SDK1: variants seen among roughly 807,000 people sequenced by gnomAD.
SDK1 encodes protein sidekick-1.
A neutral mutation model predicts 245.5 loss-of-function variants in SDK1; 157 were observed. The observed-to-expected ratio is 0.64, with a 90% confidence interval of 0.56 to 0.73. The LOEUF (loss-of-function observed/expected upper bound fraction) is 0.73, where lower values mean the gene tolerates loss of function less well. Among genes scored for constraint, SDK1 ranks in the 30% least tolerant of loss-of-function variants. The pLI is 0.00. For synonymous variants in SDK1, 1,647 were observed against 1,278.5 expected, an observed-to-expected ratio of 1.29 and a Z score of -6.15; for missense variants, 3,583 against 3,002.3, an observed-to-expected ratio of 1.19 and a Z score of -4.52.
chr7:3,981,077 G>A (rs534290620), intron 13 of SDK1, among the ~76,000 whole-genome samples: 4 of 152,278 alleles, frequency 2.6e-5, no homozygotes, highest in Non-Finnish European at 5.9e-5. Flanking sequence ...CCTGTGTTAA[G>A]TAAGTCTATT....
chr7:4,224,545 C>G (rs2128233170), intron 40 of SDK1, among the ~76,000 whole-genome samples: 1 of 152,326 alleles, frequency 6.6e-6, no homozygotes, highest in South Asian at 2.1e-4. Context: ...TCCCCCAACA[C>G]CGGGGACGAT....
In SDK1 at chr7:4,265,235, C is replaced by T; in HGVS notation, c.6493C>T (p.Pro2165Ser). The change falls in exon 45 of 45, where the codon CCT becomes TCT. Residue 2165 changes from proline (P) to serine (S), a missense_variant. Pro to Ser is a moderately conservative substitution (Grantham distance 74, BLOSUM62 -1). Coordinates refer to ENST00000404826, the MANE Select transcript of SDK1 (RefSeq NM_152744.4). ...SWKRRAQGRA[P>S]APHRYEAVAG... ...GAAGCGCAGGGCCCAGGGCCGCGCA[C>T]CTGCGCCGCACAGGTACGAGGCGGT... 2 of 1,608,104 alleles carry T rather than the reference C, an allele frequency of 1.2e-6. No individual in the cohort carries two copies. The highest frequency in any genetic ancestry group is 1.7e-6 in the Non-Finnish European group (2 of 1,179,320).
chr7:3,405,932 C>T (rs936517422), intron 1 of SDK1, among the ~76,000 whole-genome samples: 10 of 151,676 alleles, frequency 6.6e-5, no homozygotes, highest in African/African-American at 2.4e-4. Context: ...TCTGCATCAG[C>T]CTCCTGAGTA....
At chr7:3,585,743 G>C (rs1780665614) in intron 1 of SDK1, among the ~76,000 whole-genome samples, 1 of 152,166 alleles carries the variant, frequency 6.6e-6, no homozygotes, top group South Asian at 2.1e-4. Context: ...CATCAGGATT[G>C]AGCACAGCAT....
chr7:3,801,688 G>C (rs977359257), intron 4 of SDK1, among the ~76,000 whole-genome samples: 1 of 152,152 alleles, frequency 6.6e-6, no homozygotes, highest in African/African-American at 2.4e-5. Flanking sequence ...GCTGCTCCCA[G>C]CTTGCATCTC....
At chr7:3,393,760 C>G (rs889791054) in intron 1 of SDK1, among the ~76,000 whole-genome samples, 1 of 151,940 alleles carries the variant, frequency 6.6e-6, no homozygotes, top group South Asian at 2.1e-4. Flanking sequence ...TCTGTGTTTT[C>G]TTGAATTTGA....
chr7:4,185,617 G>C (rs1782842210), intron 35 of SDK1, among the ~76,000 whole-genome samples: 2 of 152,168 alleles, frequency 1.3e-5, no homozygotes, highest in African/African-American at 4.8e-5. Context: ...GGATGGGGCA[G>C]CTGTCTTCTC....
rs567389225 is a variant in SDK1 at position 4,138,683 on chromosome 7, G to A, written c.4228+6260G>A. On this transcript the variant is annotated intron_variant, in intron 28 of 44. Coordinates refer to ENST00000404826, the MANE Select transcript of SDK1 (RefSeq NM_152744.4). ...AAGCATTTGAACCTGGGAGGCAGAG[G>A]TTGCAGTATAGCCGAGATCATACCA... Among the ~76,000 whole-genome samples, 22 of 150,630 alleles carry A rather than the reference G, an allele frequency of 1.5e-4. No individual in the cohort carries two copies. In the East Asian group the frequency reaches 3.7e-3, roughly 26 times the overall value.
chr7:4,213,427 AAAC>A (rs1784608549), intron 38 of SDK1, among the ~76,000 whole-genome samples: 1 of 150,620 alleles, frequency 6.6e-6, no homozygotes, highest in Non-Finnish European at 1.5e-5. Flanking sequence ...AAAAAAAAGA[AAAC>A]AAAAATTAGC....
intron 17 of SDK1, among the ~76,000 whole-genome samples, chr7:4,043,296 AGGGGCCCAGGTAGAGTGAGTCACAGCCG>A (rs1788776134): frequency 7.8e-5 from 11 of 140,622 alleles, no homozygotes; most frequent in Admixed American, 1.4e-4. Flanking sequence ...TGTCACAGCC[AGGGGCCCAGGTAGAGTGAGTCACAGCCG>A]GGGGCCCAGG....
At chr7:3,809,235 T>C (rs371012907) in intron 4 of SDK1, among the ~76,000 whole-genome samples, 1 of 151,920 alleles carries the variant, frequency 6.6e-6, no homozygotes, top group African/African-American at 2.4e-5. Context: ...CCACACACTT[T>C]TAAACAGCCA....
intron 2 of SDK1, among the ~76,000 whole-genome samples, chr7:3,636,005 A>T (rs1029376250): frequency 6.6e-6 from 1 of 152,216 alleles, no homozygotes; most frequent in Non-Finnish European, 1.5e-5. Context: ...TTTTTGTTCA[A>T]ATATGATGTA....
chr7:4,229,221 C>G (rs146865019), intron 40 of SDK1, among the ~76,000 whole-genome samples: 17 of 152,288 alleles, frequency 1.1e-4, no homozygotes, highest in Non-Finnish European at 2.4e-4. Context: ...GCCTTACCAG[C>G]TGCCAAATTT....
At chr7:3,459,768 G>A (rs1401277208) in intron 1 of SDK1, among the ~76,000 whole-genome samples, 3 of 152,174 alleles carry the variant, frequency 2.0e-5, no homozygotes, top group Admixed American at 6.5e-5. Context: ...TAGACCAGTT[G>A]TGATCCATGT....
chr7:3,660,700 T>C (rs1362824220), intron 4 of SDK1, among the ~76,000 whole-genome samples: 3 of 152,246 alleles, frequency 2.0e-5, no homozygotes, highest in Admixed American at 1.3e-4. Context: ...CACTAGCTCA[T>C]GCTTCACCCA....
chr7:3,972,755 G>A (rs1018939313), intron 12 of SDK1, among the ~76,000 whole-genome samples: 4 of 152,294 alleles, frequency 2.6e-5, no homozygotes, highest in African/African-American at 4.8e-5. Context: ...GTTCTCTCGC[G>A]CTTCTTGAGC....
chr7:4,141,932 T>C (rs1183485469), intron 28 of SDK1, among the ~76,000 whole-genome samples: 1 of 152,138 alleles, frequency 6.6e-6, no homozygotes, highest in Admixed American at 6.5e-5. Flanking sequence ...AATTTTTGTA[T>C]TTTTAGTAGA....
chr7:3,576,821 A>G (rs918817122), intron 1 of SDK1, among the ~76,000 whole-genome samples: 39 of 151,990 alleles, frequency 2.6e-4, no homozygotes, highest in African/African-American at 8.7e-4. Flanking sequence ...TTTACTTGTA[A>G]ATTATATACA....
chr7:3,349,189 A>T (rs1190310237), intron 1 of SDK1, among the ~76,000 whole-genome samples: 1 of 28,176 alleles, frequency 3.5e-5, no homozygotes, highest in Non-Finnish European at 6.6e-5. Context: ...GTTGCAGTTT[A>T]AAAAAAAACA....
Sources: allele counts gnomAD v4.1 joint callset (sites outside exome capture counted in the v4.1 genomes callset), GRCh38; gene constraint gnomAD v4.1.1; transcripts MANE v1.5; gene names NCBI Gene and HGNC (gene_info 2026-07-23, HGNC 2026-07-21).